The following CFAP47 variants were observed in gnomAD, a reference collection of about 807,000 sequenced individuals.
The protein encoded by CFAP47 is cilia and flagella associated protein 47, also known as cilia- and flagella-associated protein 47.
Under a neutral mutation model 148.1 loss-of-function variants are expected in CFAP47, and 29 were observed. That is an observed-to-expected ratio of 0.20 (90% CI 0.15 to 0.27). The LOEUF (loss-of-function observed/expected upper bound fraction) is 0.27. Ranked by LOEUF, CFAP47 falls within the 10% of genes least tolerant of loss-of-function variation. CFAP47 has a pLI of 1.00. For missense variants in CFAP47, 1,872 were observed against 1,697.5 expected, an observed-to-expected ratio of 1.10 and a Z score of -1.81; for synonymous variants, 664 against 577.3, an observed-to-expected ratio of 1.15 and a Z score of -2.15.
At chrX:36,227,998 T>C (rs1192837988) in intron 45 of CFAP47, among the ~76,000 whole-genome samples, 3 of 111,764 alleles carry the variant, frequency 2.7e-5, no homozygotes, top group African/African-American at 9.7e-5. Flanking sequence ...GTAAATGTTG[T>C]AACGGGGTGT....
chrX:35,938,504 T>C (rs184343045), intron 2 of CFAP47, among the ~76,000 whole-genome samples: 67 of 111,765 alleles, frequency 6.0e-4, no homozygotes, highest in African/African-American at 2.0e-3. Context: ...ACGAGTTTTT[T>C]TTTAACAGAA....
intron 21 of CFAP47, among the ~76,000 whole-genome samples, chrX:36,006,580 G>A (rs748100858): frequency 8.9e-6 from 1 of 111,948 alleles, no homozygotes; most frequent in South Asian, 3.7e-4. Context: ...ATGCTCTCTT[G>A]GTTGACCTAT....
intron 29 of CFAP47, among the ~76,000 whole-genome samples, chrX:36,076,986 G>A (rs1008485531): frequency 9.1e-6 from 1 of 109,906 alleles, no homozygotes; most frequent in African/African-American, 3.3e-5. Context: ...ATCATTTATT[G>A]AATACAGAAT....
At chrX:36,213,647 A>T (rs372884211) in intron 45 of CFAP47, among the ~76,000 whole-genome samples, 1 of 111,926 alleles carries the variant, frequency 8.9e-6, no homozygotes, top group Non-Finnish European at 1.9e-5. Context: ...AGGAGATCAC[A>T]TCAAGTCTCC....
chrX:36,186,206 C>T (rs1939805080), intron 40 of CFAP47, among the ~76,000 whole-genome samples: 1 of 111,129 alleles, frequency 9.0e-6, no homozygotes, highest in Non-Finnish European at 1.9e-5. Context: ...GTGACCAAAT[C>T]ATAGATATGC....
intron 1 of CFAP47, among the ~76,000 whole-genome samples, chrX:35,924,258 T>C (rs1314860102): frequency 2.0e-5 from 2 of 101,569 alleles, no homozygotes; most frequent in Non-Finnish European, 1.9e-5. Flanking sequence ...CATATGGACA[T>C]GTATGTGTAC....
At chrX:36,268,379 G>T (rs934725957) in intron 49 of CFAP47, among the ~76,000 whole-genome samples, 1 of 112,861 alleles carries the variant, frequency 8.9e-6, no homozygotes, top group African/African-American at 3.2e-5. Flanking sequence ...CATGCTGAAG[G>T]AAAGACATTC....
Position 36,303,831 on chromosome X carries a change from GC to G in CFAP47, c.7971-17del, listed in dbSNP as rs781859365. On this transcript the variant is annotated splice_polypyrimidine_tract_variant and intron_variant, in intron 53 of 63. Transcript: ENST00000378653. ...TTTATGAATACCAGCAACTTTACTA[GC>G]TTTTTTTTTCTCCTAGGCATGTCAC... 1.8e-5 allele frequency: 17 copies of G among 960,741 alleles called. No individual in the cohort carries two copies. The highest frequency in any genetic ancestry group is 2.4e-5 in the Non-Finnish European group (17 of 710,620). 79.2% of individuals were successfully genotyped at this position (960,741 alleles called of 1,213,427 possible).
At chrX:36,008,839 T>C (rs1242568861) in intron 21 of CFAP47, among the ~76,000 whole-genome samples, 1 of 111,719 alleles carries the variant, frequency 9.0e-6, no homozygotes, top group African/African-American at 3.3e-5. Flanking sequence ...CTTTGTATTG[T>C]GTGGCTTTGC....
rs1556024932 is a variant in CFAP47, at chrX:36,384,996, A to G, written c.9554A>G (p.Lys3185Arg). 14 of 1,152,005 alleles carry G rather than the reference A, an allele frequency of 1.2e-5. 1 individual carries two copies. In the South Asian group the frequency reaches 2.7e-4, roughly 22 times the overall value. 94.9% of individuals were successfully genotyped at this position (1,152,005 alleles called of 1,213,427 possible). ...ACCATCAAGGGTGCTCCTTTGGTGAAGAATCAATAAAATTTTTTTCCAAAA... is the reference window on the plus strand; with the variant it reads ...ACCATCAAGGGTGCTCCTTTGGTGAGGAATCAATAAAATTTTTTTCCAAAA... ...SSTIKGAPLV[K>R]NQ The change falls in exon 64 of 64, where the codon AAG becomes AGG. Residue 3185 changes from lysine to arginine, a missense_variant. By Grantham distance (26) the Lys-to-Arg change is conservative. Transcript: ENST00000378653.
At position 36,153,028 on chromosome X, in the gene CFAP47, T is replaced by C. The variant is rs1442759860; in HGVS notation, c.5786+3805T>C. Among the ~76,000 whole-genome samples the C allele has an allele frequency of 2.7e-5, 3 of 110,920 alleles. No homozygotes were observed. In the East Asian group the frequency reaches 8.5e-4, roughly 31 times the overall value. On this transcript the variant is annotated intron_variant, in intron 37 of 63. Transcript: ENST00000378653. ...TCAACTCAAAAGTCTGAAGTCTTAA[T>C]TCTCACCTATCATATAAGTCTTGTA...
chrX:35,969,422 A>C (rs1217600316), intron 10 of CFAP47, among the ~76,000 whole-genome samples: 4 of 111,563 alleles, frequency 3.6e-5, no homozygotes, highest in Admixed American at 1.9e-4. Flanking sequence ...CACTTGGTAA[A>C]TATTTTTTGA....
At chrX:35,947,825 A>G (rs1936105428) in intron 3 of CFAP47, among the ~76,000 whole-genome samples, 1 of 111,795 alleles carries the variant, frequency 8.9e-6, no homozygotes, top group African/African-American at 3.3e-5. Flanking sequence ...TTATTTACGG[A>G]AATTAAATAA....
chrX:36,066,925 C>T (rs949228223), intron 27 of CFAP47, among the ~76,000 whole-genome samples: 41 of 111,669 alleles, frequency 3.7e-4, no homozygotes, highest in African/African-American at 1.3e-3. Context: ...CTGCCTTTAA[C>T]AGGAAAAAAA....
At chrX:36,087,504 T>A (rs916365038) in intron 30 of CFAP47, among the ~76,000 whole-genome samples, 11 of 111,978 alleles carry the variant, frequency 9.8e-5, no homozygotes, top group Non-Finnish European at 3.8e-5. Flanking sequence ...AACACAGCTA[T>A]GTGGAATTTT....
chrX:36,012,773 T>A (rs901253021), intron 21 of CFAP47, among the ~76,000 whole-genome samples: 2 of 110,994 alleles, frequency 1.8e-5, no homozygotes, highest in African/African-American at 6.6e-5. Context: ...ATGGCACAAG[T>A]ATACCTACGT....
At chrX:36,346,211 CTGTG>C (rs782378818) in intron 57 of CFAP47, among the ~76,000 whole-genome samples, 1 of 109,350 alleles carries the variant, frequency 9.1e-6, no homozygotes. Flanking sequence ...TTGTTTGTTT[CTGTG>C]TGTGTGTGTG....
chrX:35,984,701 T>C (rs1286493935), intron 15 of CFAP47, among the ~76,000 whole-genome samples: 1 of 112,140 alleles, frequency 8.9e-6, no homozygotes, highest in East Asian at 2.8e-4. Context: ...CTTAATTTCA[T>C]TTTTTACCCA....
Position 35,959,878 on chromosome X carries a change from C to CAAAAA in CFAP47, c.1410+3701_1410+3705dup, listed in dbSNP as rs755201291. 9.2e-4 allele frequency among the ~76,000 whole-genome samples: 28 copies of CAAAAA among 30,387 alleles called. 1 individual carries two copies. Among genetic ancestry groups the CAAAAA allele is most frequent in the African/African-American group, 3.4e-3 (28 of 8,157 alleles). The allele number at this position is 30,387 out of a possible 115,157, so 26.4% of individuals were successfully genotyped here. On this transcript the variant is annotated intron_variant, in intron 8 of 63. Coordinates refer to ENST00000378653, the MANE Select transcript of CFAP47 (RefSeq NM_001304548.2). ...TGGGTGACAGAGTGAGACTCCGTCT[C>CAAAAA]AAAAAAAAAAAAAAAAAAAAAAACT... is the stretch of plus-strand genomic sequence containing the variant.
Sources: allele counts gnomAD v4.1 joint callset (sites outside exome capture counted in the v4.1 genomes callset), GRCh38; gene constraint gnomAD v4.1.1; transcripts MANE v1.5; gene names NCBI Gene and HGNC (gene_info 2026-07-23, HGNC 2026-07-21).